Variants in QTMAN observed in about 807,000 individuals in gnomAD.
QTMAN encodes the protein tRNA-queuosine alpha-mannosyltransferase.
chr2:144,105,858 G>A, the QTMAN span, among the ~76,000 whole-genome samples: 3 of 152,158 alleles, frequency 2.0e-5, no homozygotes, highest in Admixed American at 6.5e-5. Context: ...CAGAGAGAAA[G>A]GTCAGGTTAA....
At chr2:144,132,580 A>G in the QTMAN span, among the ~76,000 whole-genome samples, 1 of 152,114 alleles carries the variant, frequency 6.6e-6, no homozygotes, top group East Asian at 1.9e-4. Context: ...TTCATGTCAC[A>G]TGACACAGTA....
At chr2:144,033,817 C>G in the QTMAN span, among the ~76,000 whole-genome samples, 4 of 152,158 alleles carry the variant, frequency 2.6e-5, no homozygotes, top group Non-Finnish European at 5.9e-5. Flanking sequence ...AAAAGACACT[C>G]CTTTCAACTT....
chr2:144,288,121 G>A, the QTMAN span, among the ~76,000 whole-genome samples: 7 of 151,576 alleles, frequency 4.6e-5, no homozygotes, highest in East Asian at 3.9e-4. Context: ...TGCCCACCTC[G>A]GCCTCCCAAA....
the QTMAN span, among the ~76,000 whole-genome samples, chr2:144,158,918 T>C: frequency 6.6e-6 from 1 of 152,080 alleles, no homozygotes; most frequent in African/African-American, 2.4e-5. Context: ...TTTTTGAATG[T>C]AAAATCTTAA....
At chr2:144,332,209 A>G in the QTMAN span, among the ~76,000 whole-genome samples, 1 of 151,856 alleles carries the variant, frequency 6.6e-6, no homozygotes, top group Non-Finnish European at 1.5e-5. Context: ...CGCGGTGCGG[A>G]CGGCGGCGCA....
chr2:144,200,755 TTAATA>T, the QTMAN span, among the ~76,000 whole-genome samples: 2 of 152,226 alleles, frequency 1.3e-5, no homozygotes, highest in East Asian at 3.8e-4. Flanking sequence ...CATAGTCTGA[TTAATA>T]TAACCCATGA....
At chr2:144,232,321 T>G in the QTMAN span, among the ~76,000 whole-genome samples, 1 of 152,178 alleles carries the variant, frequency 6.6e-6, no homozygotes, top group East Asian at 1.9e-4. Context: ...ACAAATCCTT[T>G]TAATAATTTT....
chr2:144,322,028 C>T, the QTMAN span, among the ~76,000 whole-genome samples: 1 of 152,124 alleles, frequency 6.6e-6, no homozygotes. Context: ...TAGGTAGCAT[C>T]CATTTTAAAA....
At chr2:144,101,285 A>G in the QTMAN span, among the ~76,000 whole-genome samples, 2 of 152,018 alleles carry the variant, frequency 1.3e-5, no homozygotes, top group African/African-American at 4.8e-5. Flanking sequence ...CATCTCCCCC[A>G]CCTCTAAATC....
the QTMAN span, among the ~76,000 whole-genome samples, chr2:144,288,530 G>T: frequency 6.6e-6 from 1 of 152,148 alleles, no homozygotes. Context: ...ACTGGTTCCA[G>T]GAGCATATTT....
the QTMAN span, among the ~76,000 whole-genome samples, chr2:144,236,980 A>C: frequency 1.3e-5 from 2 of 152,240 alleles, no homozygotes; most frequent in Middle Eastern, 6.8e-3. Flanking sequence ...GTTTCAAATA[A>C]TAATCATGTC....
chr2:144,288,900 T>C, the QTMAN span, among the ~76,000 whole-genome samples: 1 of 151,798 alleles, frequency 6.6e-6, no homozygotes, highest in Non-Finnish European at 1.5e-5. Context: ...TTGAATGAAT[T>C]AGAGGGAGGG....
At chr2:144,057,930 T>A in the QTMAN span, among the ~76,000 whole-genome samples, 1 of 151,878 alleles carries the variant, frequency 6.6e-6, no homozygotes, top group East Asian at 1.9e-4. Context: ...CCCACCTCAG[T>A]CTCCCAAGTA....
At chr2:143,975,986 A>C in the QTMAN span, among the ~76,000 whole-genome samples, 1 of 152,172 alleles carries the variant, frequency 6.6e-6, no homozygotes, top group Non-Finnish European at 1.5e-5. Flanking sequence ...GGTGTAGGAA[A>C]AGCAAGTTAC....
At chr2:144,249,229 C>T in the QTMAN span, among the ~76,000 whole-genome samples, 1,049 of 152,176 alleles carry the variant, frequency 6.9e-3, 6 homozygotes, top group Middle Eastern at 0.017. Context: ...AACCAGAAAA[C>T]GCTCATTTTT....
chr2:143,970,749 CT>C, the QTMAN span: 1 of 1,536,132 alleles, frequency 6.5e-7, no homozygotes, highest in Non-Finnish European at 9.0e-7. Flanking sequence ...CTTTCTGGAT[CT>C]TTATCATGCT....
chr2:144,165,021 T>C, the QTMAN span, among the ~76,000 whole-genome samples: 2 of 152,080 alleles, frequency 1.3e-5, no homozygotes, highest in African/African-American at 4.8e-5. Flanking sequence ...TAAAAAGACT[T>C]TGGTTGGGTT....
At chr2:144,181,082 C>T in the QTMAN span, among the ~76,000 whole-genome samples, 1 of 152,124 alleles carries the variant, frequency 6.6e-6, no homozygotes, top group African/African-American at 2.4e-5. Flanking sequence ...TCAGATTAAA[C>T]TCAAGGAAAC....
chr2:144,193,665 T>C, the QTMAN span, among the ~76,000 whole-genome samples: 3 of 151,772 alleles, frequency 2.0e-5, no homozygotes, highest in Non-Finnish European at 2.9e-5. Context: ...GAACTACAGG[T>C]GCACACCACA....
Sources: gnomAD v4.1 joint callset for allele counts (sites outside exome capture counted in the v4.1 genomes callset) on GRCh38, gnomAD v4.1.1 for gene constraint, MANE v1.5 for transcripts, NCBI Gene and HGNC (gene_info 2026-07-23, HGNC 2026-07-21) for gene names.